Variants in BRAF observed in about 807,000 individuals in gnomAD.
BRAF encodes serine/threonine-protein kinase B-raf.
Under a neutral mutation model 104.6 loss-of-function variants are expected in BRAF, and 16 were observed. The ratio of observed to expected loss-of-function variants is 0.15; its 90% CI spans 0.10 to 0.23. The LOEUF is 0.23. BRAF is among the 10% of genes least tolerant of loss of function. The pLI, the probability that BRAF is intolerant of heterozygous loss-of-function variation, is 1.00. For synonymous variants in BRAF, 310 were observed against 341.6 expected, an observed-to-expected ratio of 0.91 and a Z score of 1.02; for missense variants, 541 against 937.3, an observed-to-expected ratio of 0.58 and a Z score of 5.52.
At chr7:140,854,567 G>C (rs755621999) in intron 1 of BRAF, among the ~76,000 whole-genome samples, 2 of 152,002 alleles carry the variant, frequency 1.3e-5, no homozygotes, top group African/African-American at 2.4e-5. Context: ...GGATGGGAGA[G>C]AGAAAGTGGG....
In BRAF at chr7:140,885,062, C is replaced by T. The variant is rs573847844; in HGVS notation, c.139-34850G>A. Reference sequence around the variant, plus strand: ...TGTCGCCCAGGCTGGAGTGCAATGGCACGATCTCAGCTCACTTCAACCTTG... The same window carrying T: ...TGTCGCCCAGGCTGGAGTGCAATGGTACGATCTCAGCTCACTTCAACCTTG... On this transcript the variant is annotated intron_variant, in intron 1 of 19. Transcript: ENST00000644969. 2.6e-5 allele frequency among the ~76,000 whole-genome samples: 4 copies of T among 152,224 alleles called. No homozygotes were observed. The South Asian group carries it at 8.3e-4, about 32-fold the overall frequency.
At chr7:140,866,727 G>T (rs894648885) in intron 1 of BRAF, among the ~76,000 whole-genome samples, 1 of 151,714 alleles carries the variant, frequency 6.6e-6, no homozygotes, top group Non-Finnish European at 1.5e-5. Context: ...AAGTCTTAAC[G>T]ACCTAAGGCA....
chr7:140,717,417 C>A (rs995912886), downstream of BRAF, among the ~76,000 whole-genome samples: 4 of 152,074 alleles, frequency 2.6e-5, no homozygotes, highest in Non-Finnish European at 5.9e-5. Context: ...ATCACAGGTG[C>A]GTGACACCAT....
At chr7:140,829,360 G>A (rs1269062682) in intron 3 of BRAF, among the ~76,000 whole-genome samples, 2 of 132,624 alleles carry the variant, frequency 1.5e-5, no homozygotes, top group East Asian at 4.1e-4. Flanking sequence ...TTTTTTTTTG[G>A]TATTTAATCT....
intron 17 of BRAF, among the ~76,000 whole-genome samples, chr7:140,742,865 C>A (rs1209618526): frequency 2.6e-5 from 4 of 151,302 alleles, no homozygotes; most frequent in Admixed American, 1.3e-4. Flanking sequence ...TGAACTCAAA[C>A]AAATTTACAA....
At chr7:140,752,193 T>C (rs1261648258) in intron 16 of BRAF, among the ~76,000 whole-genome samples, 2 of 152,202 alleles carry the variant, frequency 1.3e-5, no homozygotes, top group Non-Finnish European at 2.9e-5. Context: ...AGAATAGTAC[T>C]ACAATTATCC....
chr7:140,718,144 G>C (rs138009228), downstream of BRAF, among the ~76,000 whole-genome samples: 153 of 152,334 alleles, frequency 1.0e-3, 4 homozygotes, highest in East Asian at 0.026. Flanking sequence ...GCCCAGGCTA[G>C]AGTGCAATGG....
intron 14 of BRAF, among the ~76,000 whole-genome samples, chr7:140,763,475 C>G (rs1798991525): frequency 6.6e-6 from 1 of 152,196 alleles, no homozygotes; most frequent in Non-Finnish European, 1.5e-5. Context: ...GACCCCCCCA[C>G]CTCCTTCCCG....
intron 1 of BRAF, among the ~76,000 whole-genome samples, chr7:140,915,304 T>C (rs1293981474): frequency 6.6e-6 from 1 of 152,158 alleles, no homozygotes; most frequent in Non-Finnish European, 1.5e-5. Flanking sequence ...TAACATTTTA[T>C]TTCAATTAAG....
Position 140,924,443 on chromosome 7 carries a change from C to T in BRAF, c.138+123G>A. 1.4e-6 allele frequency: 2 copies of T among 1,410,742 alleles called. No homozygotes were observed. The highest frequency in any genetic ancestry group is 1.9e-6 in the Non-Finnish European group (2 of 1,041,690). The allele number at this position is 1,410,742 out of a possible 1,614,324, so 87.4% of individuals were successfully genotyped here. On this transcript the variant is annotated intron_variant, in intron 1 of 19. Transcript: ENST00000644969. This position sits in a 1 kb window ranked among gnomAD's most constrained non-coding sequence, Gnocchi z 4.2. The stretch of plus-strand genomic sequence containing the variant: ...GGGGCGATGCCCACCTCCCAGCCCG[C>T]GGAGCTGGCCCGAGAAGGTGGCTGA...
At chr7:140,754,539 T>C (rs963986107) in intron 14 of BRAF, among the ~76,000 whole-genome samples, 6 of 152,186 alleles carry the variant, frequency 3.9e-5, no homozygotes, top group African/African-American at 1.4e-4. Flanking sequence ...GTCCCTTAAA[T>C]ATACCTTGAT....
Position 140,736,748 on chromosome 7 carries a change from G to A in BRAF, c.2248-1978C>T, listed in dbSNP as rs956760746. Among the ~76,000 whole-genome samples, 20 of 150,610 alleles carry A rather than the reference G, an allele frequency of 1.3e-4. 1 individual carries two copies. The highest frequency in any genetic ancestry group is 6.6e-4 in the Admixed American group (10 of 15,116). ...GGCCTCTGTTTAACCTTTTAAAGTG[G>A]TTATCAGGCTGGGCACTGGGGCTCA... On this transcript the variant is annotated intron_variant, in intron 18 of 19. Transcript: ENST00000644969.
Position 140,785,787 on chromosome 7 carries a change from C to A in BRAF, c.1199G>T (p.Arg400Leu), listed in dbSNP as rs1586155795. 1 of 398,818 alleles carries A rather than the reference C, an allele frequency of 2.5e-6. No homozygotes were observed. Among genetic ancestry groups the A allele is most frequent in the Non-Finnish European group, 4.4e-6 (1 of 226,042 alleles). 24.7% of individuals were successfully genotyped at this position (398,818 alleles called of 1,614,324 possible). Reference protein sequence around the residue: ...GDGAPLNQLMRCLRKYQSRTP... With the variant: ...GDGAPLNQLMLCLRKYQSRTP... ...CCGGGATTGGTATTTCCGAAGACAG[C>A]GCATCAGCTGGTTCAAAGGGGCTGT... Residue 400 changes from arginine (R) to leucine (L), a missense_variant, in exon 10 of 20, where the codon CGC becomes CTC. Transcript: ENST00000644969.
intron 1 of BRAF, among the ~76,000 whole-genome samples, chr7:140,866,462 T>C (rs1026695244): frequency 1.8e-4 from 27 of 152,200 alleles, no homozygotes; most frequent in African/African-American, 6.5e-4. Context: ...ATTTGGAACT[T>C]ACCCCACTTG....
chr7:140,910,868 T>C lies in BRAF; in HGVS notation c.138+13698A>G, dbSNP rs566394892. On this transcript the variant is annotated intron_variant, in intron 1 of 19. Transcript: ENST00000644969. ...TTTGTAGAGACAGGGGCTCGCTATGTTGCCCAGGCTGATCTCAAAGTCCTG... is the reference window on the plus strand; with the variant it reads ...TTTGTAGAGACAGGGGCTCGCTATGCTGCCCAGGCTGATCTCAAAGTCCTG... Among the ~76,000 whole-genome samples, 3 of 152,078 alleles carry C rather than the reference T, an allele frequency of 2.0e-5. No homozygotes were observed. The East Asian group carries it at 5.8e-4, about 29-fold the overall frequency.
chr7:140,882,414 C>T (rs1051607532), intron 1 of BRAF, among the ~76,000 whole-genome samples: 1 of 136,060 alleles, frequency 7.3e-6, no homozygotes, highest in Non-Finnish European at 1.5e-5. Flanking sequence ...CTTGCTCTGT[C>T]ACCCAGGTTG....
rs1329680874 is a variant in BRAF at position 140,863,397 on chromosome 7, G to C, written c.139-13185C>G. ...AACAAGATGGGTATCAGAAAAATTAGGCAATATGCCAGGTTATGAAGGATC... is the reference window on the plus strand; with the variant it reads ...AACAAGATGGGTATCAGAAAAATTACGCAATATGCCAGGTTATGAAGGATC... On this transcript the variant is annotated intron_variant, in intron 1 of 19. Coordinates refer to ENST00000644969, the MANE Select transcript of BRAF (RefSeq NM_001374258.1). 2.0e-5 allele frequency among the ~76,000 whole-genome samples: 3 copies of C among 152,154 alleles called. 1 individual carries two copies. In the Middle Eastern group the frequency reaches 9.5e-3, roughly 481 times the overall value.
intron 3 of BRAF, among the ~76,000 whole-genome samples, chr7:140,811,782 G>GT (rs962469939): frequency 3.9e-5 from 6 of 152,270 alleles, no homozygotes; most frequent in East Asian, 1.9e-4. Flanking sequence ...ATACAGAGGG[G>GT]TTTTTTGGCT....
intron 13 of BRAF, 27 bp from the exon 13 acceptor site, chr7:140,777,115 A>T (rs777991153): frequency 1.2e-6 from 2 of 1,609,036 alleles, no homozygotes; most frequent in South Asian, 1.1e-5. Context: ...GACAGTAAAC[A>T]TTAAATGTCG....
Sources: gnomAD v4.1 joint callset for allele counts (sites outside exome capture counted in the v4.1 genomes callset) on GRCh38, gnomAD v4.1.1 for gene constraint, Gnocchi (gnomAD v3.1) non-coding constraint, MANE v1.5 for transcripts, NCBI Gene and HGNC (gene_info 2026-07-23, HGNC 2026-07-21) for gene names.